GAREM1: variants seen among roughly 807,000 people sequenced by gnomAD.
The protein encoded by GAREM1 is GRB2 associated regulator of MAPK1 subtype 1.
In GAREM1, 26 loss-of-function variants were observed where a neutral mutation model predicts 71.3. That is an observed-to-expected ratio of 0.36 (90% confidence interval 0.27 to 0.51). The LOEUF (loss-of-function observed/expected upper bound fraction) is 0.51, where lower values mean the gene tolerates loss of function less well. Ranked by LOEUF, GAREM1 falls within the 20% of genes least tolerant of loss-of-function variation. The probability of loss-of-function intolerance (pLI) is 0.95; values close to 1 mark genes in which losing one functional copy is unlikely to be tolerated. For missense variants in GAREM1, 1,026 were observed against 1,103.1 expected, an observed-to-expected ratio of 0.93 and a Z score of 0.99; for synonymous variants, 440 against 433.2, an observed-to-expected ratio of 1.02 and a Z score of -0.20.
At chr18:32,385,774 G>A (rs1024563650) in intron 2 of GAREM1, among the ~76,000 whole-genome samples, 5 of 152,004 alleles carry the variant, frequency 3.3e-5, no homozygotes, top group Admixed American at 1.3e-4. Flanking sequence ...ACATATCCTG[G>A]GTTCAAATCA....
At chr18:32,452,888 A>G (rs117827397) in intron 1 of GAREM1, among the ~76,000 whole-genome samples, 710 of 151,552 alleles carry the variant, frequency 4.7e-3, no homozygotes, top group Non-Finnish European at 8.1e-3. Context: ...CATGTTATTA[A>G]CTATAGGGTA....
At chr18:32,336,094 T>C (rs1315453223) in intron 2 of GAREM1, among the ~76,000 whole-genome samples, 3 of 152,192 alleles carry the variant, frequency 2.0e-5, no homozygotes, top group Admixed American at 6.5e-5. Flanking sequence ...GGTTTCGTTA[T>C]CTGTAAACAA....
In GAREM1 at chr18:32,265,859, G is replaced by A. The variant is rs1351467317; in HGVS notation, c.*2012C>T. ...CTAGGTTTGCCAATGAAAACTTGCA[G>A]CTTAGTAACTGCATCTTGTCTGTTT... On this transcript the variant is annotated 3_prime_UTR_variant, in exon 6 of 6. Coordinates refer to ENST00000269209, the MANE Select transcript of GAREM1 (RefSeq NM_001242409.2). 6.6e-6 allele frequency: 1 copy of A among 152,152 alleles called. No individual in the cohort carries two copies. Among genetic ancestry groups the A allele is most frequent in the African/African-American group, 2.4e-5 (1 of 41,432 alleles). 9.4% of individuals were successfully genotyped at this position (152,152 alleles called of 1,614,324 possible).
chr18:32,420,937 G>A (rs555269249), intron 1 of GAREM1, among the ~76,000 whole-genome samples: 3 of 152,196 alleles, frequency 2.0e-5, no homozygotes, highest in African/African-American at 4.8e-5. Context: ...TCCTTCCTCA[G>A]TATCTGCGCT....
intron 1 of GAREM1, among the ~76,000 whole-genome samples, chr18:32,437,255 A>G (rs1412622274): frequency 2.6e-5 from 4 of 152,286 alleles, no homozygotes; most frequent in Non-Finnish European, 5.9e-5. Flanking sequence ...GGACTACAGT[A>G]GCTCCTGTGC....
chr18:32,378,900 C>T (rs926686306), intron 2 of GAREM1, among the ~76,000 whole-genome samples: 26 of 152,164 alleles, frequency 1.7e-4, no homozygotes, highest in African/African-American at 6.3e-4. Flanking sequence ...AGGGTTATCT[C>T]TAAAACACAA....
intron 4 of GAREM1, among the ~76,000 whole-genome samples, chr18:32,285,804 T>A (rs1429518928): frequency 1.3e-5 from 2 of 152,212 alleles, no homozygotes; most frequent in African/African-American, 4.8e-5. Flanking sequence ...GTTTTCTTGA[T>A]GATTGTATTT....
intron 2 of GAREM1, among the ~76,000 whole-genome samples, chr18:32,312,458 C>A (rs544635282): frequency 1.2e-4 from 19 of 152,192 alleles, no homozygotes; most frequent in African/African-American, 4.6e-4. Context: ...GATTCAGCAA[C>A]TTGTATTTAA....
At chr18:32,327,800 T>A (rs999135720) in intron 2 of GAREM1, among the ~76,000 whole-genome samples, 1 of 152,162 alleles carries the variant, frequency 6.6e-6, no homozygotes, top group Non-Finnish European at 1.5e-5. Context: ...ACAGACAAGT[T>A]TGAATCTCAG....
rs191059166 is a variant in GAREM1, at chr18:32,268,903, C to T, written c.1734-135G>A. On this transcript the variant is annotated intron_variant, in intron 5 of 5. Coordinates refer to ENST00000269209, the MANE Select transcript of GAREM1 (RefSeq NM_001242409.2). ...AATTCAATAAAATTCCTGCTAACTT[C>T]ACTGGGTTTTTTTTTTAAAGAATCT... 570 of 648,650 alleles carry T rather than the reference C, an allele frequency of 8.8e-4. 2 individuals carry two copies. Among genetic ancestry groups the T allele is most frequent in the Middle Eastern group, 4.6e-3 (11 of 2,366 alleles). 40.2% of individuals were successfully genotyped at this position (648,650 alleles called of 1,614,324 possible). A position where few individuals can be genotyped will look rare whatever the true frequency, so the allele number is the denominator to read the frequency against.
chr18:32,406,604 C>T (rs2048369471), intron 1 of GAREM1, among the ~76,000 whole-genome samples: 1 of 152,006 alleles, frequency 6.6e-6, no homozygotes. Flanking sequence ...GTGTTCCAAA[C>T]AGAAAGTCAA....
intron 1 of GAREM1, among the ~76,000 whole-genome samples, chr18:32,401,687 C>T (rs1476399326): frequency 6.6e-6 from 1 of 152,154 alleles, no homozygotes; most frequent in Non-Finnish European, 1.5e-5. Flanking sequence ...AGAGAGAAAC[C>T]AGAGCCATGG....
At chr18:32,334,809 T>C (rs1435759332) in intron 2 of GAREM1, among the ~76,000 whole-genome samples, 1 of 152,202 alleles carries the variant, frequency 6.6e-6, no homozygotes, top group Non-Finnish European at 1.5e-5. Context: ...GAAAATCCCA[T>C]GATTCCATTT....
At position 32,287,623 on chromosome 18, in the gene GAREM1, T is replaced by G. The variant is rs746687527; in HGVS notation, c.974A>C (p.His325Pro). ...CTGTTCTTGGCAGATACCTAGCCAG[T>G]GATGGACCAGGGTTTCGGGCCAGCT... ...GESWPETLVH[H>P]WLGICQEQFD... is the part of the protein sequence containing the mutation. Residue 325 changes from histidine (H) to proline (P), a missense_variant, in exon 4 of 6, where the codon CAC becomes CCC. By Grantham distance (77) the His-to-Pro change is moderately conservative. This residue lies in a region of GAREM1 where 218 missense variants were observed against 296.8 expected (regional missense o/e 0.73). Transcript: ENST00000269209. The surrounding 1 kb of genome is among the most constrained non-coding windows in gnomAD (Gnocchi z 5.9). The G allele has an allele frequency of 6.2e-7, 1 of 1,614,146 alleles. No homozygotes were observed. Among genetic ancestry groups the G allele is most frequent in the Non-Finnish European group, 8.5e-7 (1 of 1,180,020 alleles).
intron 1 of GAREM1, among the ~76,000 whole-genome samples, chr18:32,431,309 G>A (rs7229026): frequency 0.22 from 32,919 of 152,006 alleles, 4,208 homozygotes; most frequent in East Asian, 0.39. Context: ...CGGTCCAGAA[G>A]GAAAAGAGAG....
At chr18:32,412,101 T>C in intron 1 of GAREM1, 1 of 750,766 alleles carries the variant, frequency 1.3e-6, no homozygotes, top group Non-Finnish European at 2.3e-6. Context: ...GTCTTCTTTG[T>C]AGCAGCTAGG....
chr18:32,398,047 C>G (rs1478146966), intron 1 of GAREM1, among the ~76,000 whole-genome samples: 1 of 152,150 alleles, frequency 6.6e-6, no homozygotes, highest in African/African-American at 2.4e-5. Flanking sequence ...AACTGAACAA[C>G]CTGCTCCTGA....
chr18:32,457,825 G>C (rs557894962), intron 1 of GAREM1, among the ~76,000 whole-genome samples: 1 of 152,094 alleles, frequency 6.6e-6, no homozygotes, highest in Non-Finnish European at 1.5e-5. Flanking sequence ...TGTTACATAT[G>C]TATACATGTG....
At chr18:32,302,723 G>T (rs1427411613) in intron 3 of GAREM1, among the ~76,000 whole-genome samples, 1 of 152,188 alleles carries the variant, frequency 6.6e-6, no homozygotes, top group Admixed American at 6.5e-5. Flanking sequence ...AGAATGGGAA[G>T]ATGCTGGTCA....
Sources: allele counts gnomAD v4.1 joint callset (sites outside exome capture counted in the v4.1 genomes callset), GRCh38; gene constraint gnomAD v4.1.1; regional missense constraint gnomAD v4.1.1; non-coding constraint Gnocchi (gnomAD v3.1); transcripts MANE v1.5; gene names NCBI Gene and HGNC (gene_info 2026-07-23, HGNC 2026-07-21).